CSMD1: variants seen among roughly 807,000 people sequenced by gnomAD.
The protein encoded by CSMD1 is CUB and Sushi multiple domains 1, also known as CUB and sushi domain-containing protein 1.
Under a neutral mutation model 417.5 loss-of-function variants are expected in CSMD1, and 213 were observed. The ratio of observed to expected loss-of-function variants is 0.51; its 90% CI spans 0.46 to 0.57. The LOEUF (loss-of-function observed/expected upper bound fraction) is 0.57. Among genes scored for constraint, CSMD1 ranks in the 20% least tolerant of loss-of-function variants. CSMD1 has a pLI of 0.00. For missense variants in CSMD1, 6,923 were observed against 4,529.7 expected, an observed-to-expected ratio of 1.53 and a Z score of -15.17; for synonymous variants, 2,862 against 1,736.8, an observed-to-expected ratio of 1.65 and a Z score of -16.11.
At chr8:3,325,298 G>A (rs973099008) in intron 23 of CSMD1, among the ~76,000 whole-genome samples, 28 of 152,166 alleles carry the variant, frequency 1.8e-4, no homozygotes, top group African/African-American at 6.5e-4. Flanking sequence ...ATTACCCCTA[G>A]AGAAGAATGG....
chr8:4,600,568 C>T (rs1384602527), intron 2 of CSMD1, among the ~76,000 whole-genome samples: 1 of 152,156 alleles, frequency 6.6e-6, no homozygotes, highest in Admixed American at 6.5e-5. Context: ...TCCTGATGTG[C>T]TCTCCATCCT....
At chr8:3,925,147 A>G (rs747930435) in intron 5 of CSMD1, among the ~76,000 whole-genome samples, 1 of 152,314 alleles carries the variant, frequency 6.6e-6, no homozygotes, top group African/African-American at 2.4e-5. Flanking sequence ...CAGCTAATCC[A>G]CTTCCCAAAT....
intron 3 of CSMD1, among the ~76,000 whole-genome samples, chr8:4,303,688 C>G (rs1798103898): frequency 6.6e-6 from 1 of 151,888 alleles, no homozygotes; most frequent in African/African-American, 2.4e-5. Context: ...TGTAGTCTTG[C>G]TCTCTTGCCC....
intron 1 of CSMD1, among the ~76,000 whole-genome samples, chr8:4,672,406 G>A (rs768724783): frequency 1.3e-5 from 2 of 152,150 alleles, no homozygotes; most frequent in South Asian, 4.1e-4. Flanking sequence ...ACACTTTGAA[G>A]TATGGGCAGA....
intron 2 of CSMD1, among the ~76,000 whole-genome samples, chr8:4,428,201 G>C (rs1797675067): frequency 6.6e-6 from 1 of 152,154 alleles, no homozygotes; most frequent in African/African-American, 2.4e-5. Context: ...ATGTTCACTT[G>C]TACTGTGTCC....
chr8:4,069,203 G>A (rs570243997), intron 3 of CSMD1, among the ~76,000 whole-genome samples: 1 of 152,050 alleles, frequency 6.6e-6, no homozygotes, highest in Non-Finnish European at 1.5e-5. Flanking sequence ...CTCTGATTGA[G>A]GCGTGAATGT....
chr8:3,168,675 C>T (rs902778128), intron 37 of CSMD1, among the ~76,000 whole-genome samples: 7 of 147,882 alleles, frequency 4.7e-5, no homozygotes, highest in East Asian at 2.1e-4. Flanking sequence ...ATATGGAAAA[C>T]GCCATTAATA....
intron 1 of CSMD1, among the ~76,000 whole-genome samples, chr8:4,824,086 A>G (rs1263654012): frequency 1.5e-5 from 2 of 129,530 alleles, no homozygotes. Context: ...AAATATCCAC[A>G]CACACACACA....
At chr8:4,305,637 C>G (rs1048984275) in intron 3 of CSMD1, among the ~76,000 whole-genome samples, 1 of 152,148 alleles carries the variant, frequency 6.6e-6, no homozygotes, top group African/African-American at 2.4e-5. Context: ...AGCTGAAGGA[C>G]TCAAAAAGGC....
chr8:3,362,851 C>T (rs1452177308), intron 20 of CSMD1, among the ~76,000 whole-genome samples: 1 of 152,172 alleles, frequency 6.6e-6, no homozygotes, highest in Admixed American at 6.5e-5. Context: ...GTAGTCTCAG[C>T]TTCCATCTTG....
chr8:3,688,849 A>G (rs1450194530), intron 7 of CSMD1, among the ~76,000 whole-genome samples: 1 of 152,228 alleles, frequency 6.6e-6, no homozygotes, highest in African/African-American at 2.4e-5. Flanking sequence ...ATAGCAATCA[A>G]TTAAAAAGAA....
At chr8:4,109,758 A>C (rs1239098312) in intron 3 of CSMD1, among the ~76,000 whole-genome samples, 2 of 152,184 alleles carry the variant, frequency 1.3e-5, no homozygotes, top group Non-Finnish European at 2.9e-5. Context: ...GTCATGTAAC[A>C]TAAGACAGTT....
intron 3 of CSMD1, among the ~76,000 whole-genome samples, chr8:4,095,155 G>T (rs904726113): frequency 6.6e-6 from 1 of 152,196 alleles, no homozygotes; most frequent in Admixed American, 6.5e-5. Context: ...AGGATGTGCT[G>T]AGAAGTTGTT....
At chr8:3,542,816 C>G (rs1374100558) in intron 10 of CSMD1, among the ~76,000 whole-genome samples, 1 of 152,188 alleles carries the variant, frequency 6.6e-6, no homozygotes, top group African/African-American at 2.4e-5. Flanking sequence ...TTTAGCTAAG[C>G]AAGATCCATA....
intron 59 of CSMD1, among the ~76,000 whole-genome samples, chr8:2,964,502 G>C (rs914139468): frequency 6.6e-6 from 1 of 152,212 alleles, no homozygotes; most frequent in Non-Finnish European, 1.5e-5. Flanking sequence ...GACAGAGAGA[G>C]AAAGAGGTCC....
At chr8:4,980,601 T>G (rs1489805186) in intron 1 of CSMD1, among the ~76,000 whole-genome samples, 1 of 152,166 alleles carries the variant, frequency 6.6e-6, no homozygotes, top group Admixed American at 6.5e-5. Flanking sequence ...AAGGTCACTT[T>G]GAATTCAAAA....
intron 5 of CSMD1, among the ~76,000 whole-genome samples, chr8:3,834,208 C>G (rs184296715): frequency 1.3e-5 from 2 of 150,888 alleles, no homozygotes; most frequent in East Asian, 1.9e-4. Flanking sequence ...AATTTTTTTT[C>G]TTTTATTTTG....
intron 23 of CSMD1, among the ~76,000 whole-genome samples, chr8:3,332,130 A>G (rs1187458950): frequency 6.6e-6 from 1 of 152,260 alleles, no homozygotes; most frequent in Non-Finnish European, 1.5e-5. Context: ...GATGACAGGT[A>G]TGATACATAA....
chr8:3,922,285 T>C (rs1449699670), intron 5 of CSMD1, among the ~76,000 whole-genome samples: 1 of 152,224 alleles, frequency 6.6e-6, no homozygotes, highest in Non-Finnish European at 1.5e-5. Flanking sequence ...CATAGTGAGT[T>C]CCTTTTAAAA....
Sources: gnomAD v4.1 joint callset for allele counts (sites outside exome capture counted in the v4.1 genomes callset) on GRCh38, gnomAD v4.1.1 for gene constraint, MANE v1.5 for transcripts, NCBI Gene and HGNC (gene_info 2026-07-23, HGNC 2026-07-21) for gene names.